Variants in EGFLAM observed in about 807,000 individuals in gnomAD.
EGFLAM encodes EGF like, fibronectin type III and laminin G domains, also known as pikachurin.
EGFLAM carries 79 observed loss-of-function variants against 113.1 expected under a neutral mutation model. The observed-to-expected ratio is 0.70, with a 90% confidence interval of 0.58 to 0.84. EGFLAM has a LOEUF of 0.84. EGFLAM is among the 40% of genes least tolerant of loss of function. The pLI, the probability that EGFLAM is intolerant of heterozygous loss-of-function variation, is 0.00. For synonymous variants in EGFLAM, 504 were observed against 487.6 expected (o/e 1.03, Z -0.44); for missense variants, 1,265 against 1,291.6 (o/e 0.98, Z 0.32).
rs950808276 is a variant in EGFLAM, at chr5:38,454,184, G to A, written c.2687+2726G>A. 2.6e-5 allele frequency among the ~76,000 whole-genome samples: 4 copies of A among 152,188 alleles called. No homozygotes were observed. In the South Asian group the frequency reaches 6.2e-4, roughly 24 times the overall value. ...GTCCCCGATGCTGATGTAGGGAAGCGTACCGGCGGGCTGGGGACAGAGAGG... is the reference window on the plus strand; with the variant it reads ...GTCCCCGATGCTGATGTAGGGAAGCATACCGGCGGGCTGGGGACAGAGAGG... On this transcript the variant is annotated intron_variant, in intron 19 of 21. Coordinates refer to ENST00000322350, the MANE Select transcript of EGFLAM (RefSeq NM_152403.4).
chr5:38,285,671 G>T (rs1758142934), intron 1 of EGFLAM: 1 of 152,314 alleles, frequency 6.6e-6, no homozygotes, highest in African/African-American at 2.4e-5. Flanking sequence ...ATAAAGAAAA[G>T]AGTTTTAATT....
intron 1 of EGFLAM, among the ~76,000 whole-genome samples, chr5:38,334,460 G>T (rs748125083): frequency 6.6e-6 from 1 of 152,028 alleles, no homozygotes; most frequent in Non-Finnish European, 1.5e-5. Context: ...AGCTCTCTAG[G>T]ATATCTTTTG....
Position 38,407,084 on chromosome 5 carries a change from A to G in EGFLAM, c.1085A>G (p.Tyr362Cys), listed in dbSNP as rs906155392. ...GCTGACAGCTTCTGTGTCAATGACT[A>G]CACCTGGGGGGGCTCGCGATGCCAG... ...CSADSFCVNDYTWGGSRCQCT... is the reference protein window; with the variant it reads ...CSADSFCVNDCTWGGSRCQCT... The change falls in exon 8 of 22, where the codon TAC becomes TGC. Residue 362 changes from tyrosine to cysteine, a missense_variant. Physicochemically the swap from Tyr to Cys is radical, Grantham distance 194. Transcript: ENST00000322350. 9 of 1,613,954 alleles carry G rather than the reference A, an allele frequency of 5.6e-6. No individual in the cohort carries two copies. Among genetic ancestry groups the G allele is most frequent in the Non-Finnish European group, 7.6e-6 (9 of 1,180,024 alleles).
rs147438688 is a variant in EGFLAM, at chr5:38,335,678, A to G, written c.98-1842A>G. Among the ~76,000 whole-genome samples the G allele has an allele frequency of 2.9e-3, 443 of 152,326 alleles. 3 individuals carry two copies. Among genetic ancestry groups the G allele is most frequent in the Middle Eastern group, 6.8e-3 (2 of 294 alleles). ...AGAATTAAATCTCTGAGTGGTGACA[A>G]TCGTAGGTGTATATGGGGCAGAGGG... On this transcript the variant is annotated intron_variant, in intron 1 of 21. Transcript: ENST00000322350.
intron 1 of EGFLAM, among the ~76,000 whole-genome samples, chr5:38,329,062 A>G (rs1738968447): frequency 6.6e-6 from 1 of 151,938 alleles, no homozygotes; most frequent in Admixed American, 6.6e-5. Context: ...AGGCGGGAGG[A>G]TTGATTGAGC....
At chr5:38,266,609 T>G (rs1015366110) in intron 1 of EGFLAM, among the ~76,000 whole-genome samples, 16 of 152,216 alleles carry the variant, frequency 1.1e-4, no homozygotes, top group African/African-American at 3.6e-4. Context: ...TGGTTACATG[T>G]GATGTAACTT....
chr5:38,350,709 A>T, intron 4 of EGFLAM, 91 bp downstream of exon 4: 2 of 1,225,792 alleles, frequency 1.6e-6, no homozygotes, highest in Non-Finnish European at 2.3e-6. Context: ...ACTATGTGCC[A>T]AGCACTGTGC....
At chr5:38,341,691 A>G (rs572708507) in intron 3 of EGFLAM, among the ~76,000 whole-genome samples, 1 of 152,376 alleles carries the variant, frequency 6.6e-6, no homozygotes, top group East Asian at 1.9e-4. Context: ...ACTATATCAT[A>G]TCATTCTATA....
intron 17 of EGFLAM, among the ~76,000 whole-genome samples, chr5:38,438,656 C>G (rs1169253158): frequency 1.3e-5 from 2 of 152,214 alleles, no homozygotes; most frequent in African/African-American, 2.4e-5. Context: ...TGCTGAAATA[C>G]TTCTGCTAAC....
At chr5:38,354,674 G>A (rs1265278519) in intron 5 of EGFLAM, among the ~76,000 whole-genome samples, 1 of 151,980 alleles carries the variant, frequency 6.6e-6, no homozygotes, top group Non-Finnish European at 1.5e-5. Context: ...AGGTTGCAGT[G>A]AGCCGAGATT....
In EGFLAM at chr5:38,397,371, G is replaced by A. The variant is rs1302897333; in HGVS notation, c.713-8755G>A. Among the ~76,000 whole-genome samples the A allele has an allele frequency of 3.9e-5, 6 of 152,192 alleles. No homozygotes were observed. The South Asian group carries it at 1.2e-3, about 32-fold the overall frequency. ...GTGTTGAGCAGGCCTTCTTCATGCAGAACCCAGCTACTAGGTAAGTCACCC... is the reference window on the plus strand; with the variant it reads ...GTGTTGAGCAGGCCTTCTTCATGCAAAACCCAGCTACTAGGTAAGTCACCC... On this transcript the variant is annotated intron_variant, in intron 6 of 21. Coordinates refer to ENST00000322350, the MANE Select transcript of EGFLAM (RefSeq NM_152403.4).
At chr5:38,407,169 G>A in intron 8 of EGFLAM, 23 bp downstream of exon 8, 2 of 1,573,930 alleles carry the variant, frequency 1.3e-6, no homozygotes, top group African/African-American at 4.0e-5. Context: ...GGGAGAGGAA[G>A]AAGTGGTGAT....
At chr5:38,434,228 T>A (rs1742274952) in intron 15 of EGFLAM, among the ~76,000 whole-genome samples, 1 of 152,202 alleles carries the variant, frequency 6.6e-6, no homozygotes, top group Non-Finnish European at 1.5e-5. Flanking sequence ...CAATGTTAAC[T>A]CTTCCTTGAC....
At chr5:38,325,106 G>A (rs574398794) in intron 1 of EGFLAM, among the ~76,000 whole-genome samples, 22 of 152,296 alleles carry the variant, frequency 1.4e-4, no homozygotes, top group African/African-American at 4.3e-4. Flanking sequence ...CAGGATATAT[G>A]TGGCAATGAC....
chr5:38,336,592 C>CAG (rs1361544222), intron 1 of EGFLAM, among the ~76,000 whole-genome samples: 19 of 151,650 alleles, frequency 1.3e-4, no homozygotes, highest in Admixed American at 1.2e-3. Context: ...CACACACACA[C>CAG]ACACACAGAC....
At chr5:38,335,647 T>C (rs1407848239) in intron 1 of EGFLAM, among the ~76,000 whole-genome samples, 3 of 152,090 alleles carry the variant, frequency 2.0e-5, no homozygotes, top group Non-Finnish European at 2.9e-5. Flanking sequence ...GTCAGAGAGA[T>C]CATTAAGAAT....
intron 7 of EGFLAM, 70 bp from the exon 8 acceptor site, chr5:38,406,758 A>C: frequency 6.9e-7 from 1 of 1,455,668 alleles, no homozygotes; most frequent in East Asian, 2.3e-5. Flanking sequence ...CTAGGCAACA[A>C]CTATAAATAA....
At chr5:38,346,191 C>G (rs1739468268) in intron 3 of EGFLAM, among the ~76,000 whole-genome samples, 1 of 152,164 alleles carries the variant, frequency 6.6e-6, no homozygotes, top group Non-Finnish European at 1.5e-5. Flanking sequence ...ATATATGGAA[C>G]TACAAATACG....
intron 1 of EGFLAM, chr5:38,285,894 A>C (rs1758149819): frequency 6.6e-6 from 1 of 152,098 alleles, no homozygotes; most frequent in Non-Finnish European, 1.5e-5. Context: ...CCTCCGTCCC[A>C]CAACTTGTGG....
Sources: gnomAD v4.1 joint callset for allele counts (sites outside exome capture counted in the v4.1 genomes callset) on GRCh38, gnomAD v4.1.1 for gene constraint, MANE v1.5 for transcripts, NCBI Gene and HGNC (gene_info 2026-07-23, HGNC 2026-07-21) for gene names.